Variants in CELF6 observed in about 807,000 individuals in gnomAD.
CELF6 encodes CUGBP Elav-like family member 6.
Under a neutral mutation model 53.1 loss-of-function variants are expected in CELF6, and 32 were observed. The observed-to-expected ratio is 0.60, with a 90% confidence interval of 0.46 to 0.81. The LOEUF (loss-of-function observed/expected upper bound fraction) is 0.81, where lower values mean the gene tolerates loss of function less well. Ranked by LOEUF, CELF6 falls within the 30% of genes least tolerant of loss-of-function variation. The pLI, the probability that CELF6 is intolerant of heterozygous loss-of-function variation, is 0.00. For synonymous variants in CELF6, 291 were observed against 288.8 expected (o/e 1.01, Z -0.08); for missense variants, 539 against 669.5 (o/e 0.81, Z 2.15).
chr15:72,289,425 T>C lies in CELF6; in HGVS notation c.830A>G (p.Gln277Arg). 10 of 1,551,048 alleles carry C rather than the reference T, an allele frequency of 6.4e-6. No homozygotes were observed. The highest frequency in any genetic ancestry group is 8.6e-6 in the Non-Finnish European group (10 of 1,156,268). Reference sequence around the variant, plus strand: ...TACCAGGCTAAAGGCCGCCACGTGTTGCATCTGGGCCGCCACTGCCGCCAC... The same window carrying C: ...TACCAGGCTAAAGGCCGCCACGTGTCGCATCTGGGCCGCCACTGCCGCCAC... ...GPVAAVAAQM[Q>R]HVAAFSLVAA... Residue 277 changes from glutamine (Q) to arginine (R), a missense_variant, in exon 7 of 13, where the codon CAA becomes CGA. This residue lies in a region of CELF6 where 358 missense variants were observed against 412.8 expected (regional missense o/e 0.87). Transcript: ENST00000287202. This position sits in a 1 kb window ranked among gnomAD's most constrained non-coding sequence, Gnocchi z 7.6.
intron 11 of CELF6, among the ~76,000 whole-genome samples, chr15:72,287,634 TTCCGTGTTTTTCCTGGCA>T (rs890719826): frequency 1.3e-5 from 2 of 152,168 alleles, no homozygotes; most frequent in Non-Finnish European, 2.9e-5. Flanking sequence ...ATTTGGATGT[TTCCGTGTTTTTCCTGGCA>T]TGGGTTGGCT....
chr15:72,290,607 C>T (rs756657589), intron 3 of CELF6, among the ~76,000 whole-genome samples: 17 of 152,122 alleles, frequency 1.1e-4, no homozygotes, highest in Non-Finnish European at 2.2e-4. Context: ...GGTTGGGAAA[C>T]GCTGTTTTGG....
Position 72,289,833 on chromosome 15 carries a change from C to G in CELF6, c.604-63G>C. 2.7e-6 allele frequency: 4 copies of G among 1,477,286 alleles called. No homozygotes were observed. Among genetic ancestry groups the G allele is most frequent in the Non-Finnish European group, 3.6e-6 (4 of 1,116,704 alleles). 91.5% of individuals were successfully genotyped at this position (1,477,286 alleles called of 1,614,324 possible). On this transcript the variant is annotated intron_variant, in intron 5 of 12. Coordinates refer to ENST00000287202, the MANE Select transcript of CELF6 (RefSeq NM_052840.5). This position sits in a 1 kb window ranked among gnomAD's most constrained non-coding sequence, Gnocchi z 7.6. ...ACCCTGGCCCCGGCCCGGGGCCGAG[C>G]GCCTTTCCCATCAGGTCCTTTCGCG...
intron 3 of CELF6, among the ~76,000 whole-genome samples, chr15:72,301,252 C>T (rs1567281484): frequency 6.6e-6 from 1 of 152,096 alleles, no homozygotes; most frequent in African/African-American, 2.4e-5. Context: ...CCTTGGCCTC[C>T]TAAAGTGCTG....
rs2087948113 is a variant in CELF6 at position 72,288,332 on chromosome 15, C to T, written c.1294G>A (p.Ala432Thr). The change falls in exon 11 of 13, where the codon GCC becomes ACC. Residue 432 changes from alanine to threonine, a missense_variant. Ala to Thr is a moderately conservative substitution (Grantham distance 58, BLOSUM62 0). Coordinates refer to ENST00000287202, the MANE Select transcript of CELF6 (RefSeq NM_052840.5). This position sits in a 1 kb window ranked among gnomAD's most constrained non-coding sequence, Gnocchi z 4.6. ...VVSAKVFVDR[A>T]TNQSKCFGFV... ...CCAAAACACTTGCTCTGGTTGGTGGCTCGATCCACAAAGACTTTAGCAGAG... is the reference window on the plus strand; with the variant it reads ...CCAAAACACTTGCTCTGGTTGGTGGTTCGATCCACAAAGACTTTAGCAGAG... 3.1e-6 allele frequency: 5 copies of T among 1,614,032 alleles called. No homozygotes were observed. The highest frequency in any genetic ancestry group is 3.3e-5 in the Admixed American group (2 of 59,998).
chr15:72,288,271 G>A lies in CELF6; in HGVS notation c.1318+37C>T, dbSNP rs1567276708. The A allele has an allele frequency of 1.2e-6, 2 of 1,609,756 alleles. No homozygotes were observed. The highest frequency in any genetic ancestry group is 8.5e-7 in the Non-Finnish European group (1 of 1,175,984). On this transcript the variant is annotated intron_variant, in intron 11 of 12. Transcript: ENST00000287202. This position sits in a 1 kb window ranked among gnomAD's most constrained non-coding sequence, Gnocchi z 4.6. ...GTCTGTAGGAAATCCTTTATAGTCA[G>A]AGGTGGGAGAGGCCTAGGGGTAGGT...
intron 3 of CELF6, among the ~76,000 whole-genome samples, chr15:72,300,467 T>C (rs1234566033): frequency 2.0e-5 from 3 of 152,192 alleles, no homozygotes; most frequent in African/African-American, 7.2e-5. Context: ...CTCATGTTTA[T>C]TGATTAAAAG....
intron 1 of CELF6, among the ~76,000 whole-genome samples, chr15:72,317,214 T>A (rs935615622): frequency 1.3e-5 from 2 of 152,166 alleles, no homozygotes; most frequent in African/African-American, 4.8e-5. Context: ...TAAAGGGTTT[T>A]AAGCAGATCT....
chr15:72,289,608 G>A lies in CELF6; in HGVS notation c.747+19C>T, dbSNP rs1190576891. 1.3e-6 allele frequency: 2 copies of A among 1,487,176 alleles called. No homozygotes were observed. Among genetic ancestry groups the A allele is most frequent in the Non-Finnish European group, 1.8e-6 (2 of 1,126,690 alleles). 92.1% of individuals were successfully genotyped at this position (1,487,176 alleles called of 1,614,324 possible). ...CCCACCCACCTGCGCGCCCTCGCAC[G>A]CAGGTGCCCGGTACCTACCGCCGTG... On this transcript the variant is annotated intron_variant, in intron 6 of 12. Coordinates refer to ENST00000287202, the MANE Select transcript of CELF6 (RefSeq NM_052840.5). The surrounding 1 kb of genome is among the most constrained non-coding windows in gnomAD (Gnocchi z 7.6).
chr15:72,299,363 T>C (rs1430287126), intron 3 of CELF6, among the ~76,000 whole-genome samples: 1 of 127,620 alleles, frequency 7.8e-6, no homozygotes, highest in Non-Finnish European at 1.6e-5. Flanking sequence ...TTGTTTTTTC[T>C]TTTTTTTTTT....
At chr15:72,312,664 T>A (rs904144948) in intron 2 of CELF6, among the ~76,000 whole-genome samples, 1 of 152,020 alleles carries the variant, frequency 6.6e-6, no homozygotes, top group Non-Finnish European at 1.5e-5. Context: ...AACCATGAAA[T>A]TCCCCCTAGG....
Position 72,290,212 on chromosome 15 carries a change from A to G in CELF6, c.438T>C (p.Gly146=). The part of the protein sequence containing the change: ...LFVGMLGKQQ[G]EEDVRRLFQP... The stretch of plus-strand genomic sequence containing the variant: ...GGAACAGGCGTCTGACGTCCTCCTC[A>G]CCCTGCTGCTTGCCCAGCATCCCCA... Residue 146 remains glycine, a synonymous_variant, in exon 4 of 13, where the codon GGT becomes GGC. Coordinates refer to ENST00000287202, the MANE Select transcript of CELF6 (RefSeq NM_052840.5). The G allele has an allele frequency of 6.2e-7, 1 of 1,613,496 alleles. No homozygotes were observed. The highest frequency in any genetic ancestry group is 1.3e-5 in the African/African-American group (1 of 74,954).
intron 3 of CELF6, among the ~76,000 whole-genome samples, chr15:72,297,589 C>T (rs1163048975): frequency 1.3e-5 from 2 of 152,230 alleles, no homozygotes; most frequent in African/African-American, 4.8e-5. Flanking sequence ...AATTCTGACA[C>T]ATCCTACAAC....
At chr15:72,297,254 C>T (rs1429643292) in intron 3 of CELF6, among the ~76,000 whole-genome samples, 1 of 152,188 alleles carries the variant, frequency 6.6e-6, no homozygotes, top group African/African-American at 2.4e-5. Context: ...TTAACTACAA[C>T]TTTGTATCCT....
intron 3 of CELF6, among the ~76,000 whole-genome samples, chr15:72,293,289 C>A (rs1174627451): frequency 6.6e-6 from 1 of 152,132 alleles, no homozygotes; most frequent in Non-Finnish European, 1.5e-5. Context: ...TCTTAAGAGA[C>A]CCGGCCAAAG....
chr15:72,287,835 G>A (rs551597927), intron 11 of CELF6, among the ~76,000 whole-genome samples: 12 of 144,624 alleles, frequency 8.3e-5, no homozygotes, highest in African/African-American at 3.1e-4. Context: ...AATAAAGCTC[G>A]TTCTTTTTTT....
At position 72,319,498 on chromosome 15, in the gene CELF6, G is replaced by T; in HGVS notation, c.262+115C>A. 8.7e-7 allele frequency: 1 copy of T among 1,154,714 alleles called. No individual in the cohort carries two copies. 71.5% of individuals were successfully genotyped at this position (1,154,714 alleles called of 1,614,324 possible). A position where few individuals can be genotyped will look rare whatever the true frequency, so the allele number is the denominator to read the frequency against. ...AAGGGGGCTGGGCTGAGGTGGGGCT[G>T]ATATTGGACTGGTGTTGGACTGGCT... is the stretch of plus-strand genomic sequence containing the variant. On this transcript the variant is annotated intron_variant, in intron 1 of 12. Transcript: ENST00000287202. This position sits in a 1 kb window ranked among gnomAD's most constrained non-coding sequence, Gnocchi z 5.0.
In CELF6 at chr15:72,320,126, G is replaced by C. The variant is rs1438714683; in HGVS notation, c.-252C>G. The C allele has an allele frequency of 7.8e-6, 5 of 643,598 alleles. No homozygotes were observed. Among genetic ancestry groups the C allele is most frequent in the African/African-American group, 1.8e-5 (1 of 55,254 alleles). 39.9% of individuals were successfully genotyped at this position (643,598 alleles called of 1,614,324 possible). A position where few individuals can be genotyped will look rare whatever the true frequency, so the allele number is the denominator to read the frequency against. The stretch of plus-strand genomic sequence containing the variant: ...CGCTGGGGTCTGGCTTGAGGTCCCC[G>C]TGCGGCTCTCTCTGGGCTCCCGCCC... On this transcript the variant is annotated 5_prime_UTR_variant, in exon 1 of 13. Coordinates refer to ENST00000287202, the MANE Select transcript of CELF6 (RefSeq NM_052840.5).
chr15:72,314,589 G>GTTTTTTTTTT (rs984879836), intron 2 of CELF6, among the ~76,000 whole-genome samples: 3 of 97,856 alleles, frequency 3.1e-5, no homozygotes, highest in African/African-American at 9.7e-5. Flanking sequence ...AAAACCCAGT[G>GTTTTTTTTTT]TTTTTTTTTT....
Sources: gnomAD v4.1 joint callset for allele counts (sites outside exome capture counted in the v4.1 genomes callset) on GRCh38, gnomAD v4.1.1 for gene constraint, gnomAD v4.1.1 regional missense constraint, Gnocchi (gnomAD v3.1) non-coding constraint, MANE v1.5 for transcripts, NCBI Gene and HGNC (gene_info 2026-07-23, HGNC 2026-07-21) for gene names.